Variants in ITGBL1 observed in about 807,000 individuals in gnomAD.
ITGBL1 encodes integrin beta-like protein 1.
A neutral mutation model predicts 68.5 loss-of-function variants in ITGBL1; 51 were observed. The observed-to-expected ratio is 0.74, with a 90% confidence interval of 0.59 to 0.94. The LOEUF (loss-of-function observed/expected upper bound fraction) is 0.94. ITGBL1 is among the 40% of genes least tolerant of loss of function. The probability of loss-of-function intolerance (pLI) is 0.00; values close to 1 mark genes in which losing one functional copy is unlikely to be tolerated. For missense variants in ITGBL1, 649 were observed against 647.4 expected (o/e 1.00, Z -0.03); for synonymous variants, 209 against 227.3 (o/e 0.92, Z 0.72).
intron 2 of ITGBL1, among the ~76,000 whole-genome samples, chr13:101,471,363 A>G (rs1409748398): frequency 6.6e-6 from 1 of 152,158 alleles, no homozygotes; most frequent in African/African-American, 2.4e-5. Flanking sequence ...TGTCACTATG[A>G]TTAAATTATA....
chr13:101,622,675 C>T (rs753594430), intron 7 of ITGBL1, among the ~76,000 whole-genome samples: 3 of 152,122 alleles, frequency 2.0e-5, no homozygotes, highest in Non-Finnish European at 2.9e-5. Context: ...ACTACATGAG[C>T]GCACAGATGG....
intron 8 of ITGBL1, among the ~76,000 whole-genome samples, chr13:101,701,291 T>A (rs924289464): frequency 6.6e-6 from 1 of 152,140 alleles, no homozygotes; most frequent in African/African-American, 2.4e-5. Context: ...TCCCAGCACT[T>A]TGGGAGGCCG....
intron 7 of ITGBL1, among the ~76,000 whole-genome samples, chr13:101,615,952 TC>T (rs2031342090): frequency 6.6e-6 from 1 of 152,130 alleles, no homozygotes; most frequent in Non-Finnish European, 1.5e-5. Flanking sequence ...ATCTTGGACT[TC>T]CCAGACTCCA....
rs553456901 is a variant in ITGBL1, at chr13:101,529,267, G to T, written c.317-38432G>T. On this transcript the variant is annotated intron_variant, in intron 2 of 10. Coordinates refer to ENST00000376180, the MANE Select transcript of ITGBL1 (RefSeq NM_004791.3). Reference sequence around the variant, plus strand: ...AATATGGTTAATAGGCATCTCTAAAGAAAAAAAAAGCAAGGGAAAGAACTG... The same window carrying T: ...AATATGGTTAATAGGCATCTCTAAATAAAAAAAAAGCAAGGGAAAGAACTG... Among the ~76,000 whole-genome samples, 211 of 149,178 alleles carry T rather than the reference G, an allele frequency of 1.4e-3. 2 individuals are homozygous for T. Among genetic ancestry groups the T allele is most frequent in the South Asian group, 8.1e-3 (38 of 4,720 alleles).
At chr13:101,594,488 A>G (rs2050709710) in intron 6 of ITGBL1, among the ~76,000 whole-genome samples, 2 of 152,152 alleles carry the variant, frequency 1.3e-5, no homozygotes, top group South Asian at 4.1e-4. Flanking sequence ...ACTCGAAGAA[A>G]CGTAGGAGAA....
chr13:101,638,001 A>T (rs1256916026), intron 7 of ITGBL1, among the ~76,000 whole-genome samples: 1 of 152,220 alleles, frequency 6.6e-6, no homozygotes, highest in African/African-American at 2.4e-5. Context: ...TATTCCTGTT[A>T]CACTATAAAA....
At chr13:101,597,578 G>C (rs1234296563) in intron 6 of ITGBL1, among the ~76,000 whole-genome samples, 2 of 151,260 alleles carry the variant, frequency 1.3e-5, no homozygotes, top group Admixed American at 6.6e-5. Flanking sequence ...TTGAGACGGA[G>C]TCTCCCTCTG....
At chr13:101,583,194 T>C (rs955328714) in intron 5 of ITGBL1, 22 bp from the exon 6 acceptor site, 6 of 1,610,010 alleles carry the variant, frequency 3.7e-6, no homozygotes, top group Middle Eastern at 1.6e-4. Flanking sequence ...TGGATTCTTA[T>C]AAAATTCTTC....
At chr13:101,575,141 G>T (rs765142995) in intron 3 of ITGBL1, among the ~76,000 whole-genome samples, 9 of 152,014 alleles carry the variant, frequency 5.9e-5, no homozygotes, top group Non-Finnish European at 1.2e-4. Flanking sequence ...TGGTTGGATG[G>T]CTATATGTGG....
intron 2 of ITGBL1, among the ~76,000 whole-genome samples, chr13:101,476,957 A>C (rs960306007): frequency 6.6e-6 from 1 of 152,180 alleles, no homozygotes; most frequent in African/African-American, 2.4e-5. Context: ...GAAAATCAAC[A>C]AAGAAACATC....
chr13:101,543,333 A>T (rs1241974280), intron 2 of ITGBL1, among the ~76,000 whole-genome samples: 1 of 152,146 alleles, frequency 6.6e-6, no homozygotes, highest in Admixed American at 6.5e-5. Flanking sequence ...GTTTGGCTGG[A>T]TATGAAATTC....
intron 2 of ITGBL1, among the ~76,000 whole-genome samples, chr13:101,505,563 A>ATT (rs1350167471): frequency 3.3e-5 from 5 of 152,140 alleles, no homozygotes; most frequent in African/African-American, 9.7e-5. Flanking sequence ...TGGATAAAAC[A>ATT]TTTATTGTCT....
At chr13:101,600,929 G>A (rs1311887567) in intron 7 of ITGBL1, among the ~76,000 whole-genome samples, 2 of 152,144 alleles carry the variant, frequency 1.3e-5, no homozygotes, top group Admixed American at 6.5e-5. Flanking sequence ...CCAGGCTTTG[G>A]TATCAGGATG....
chr13:101,504,476 T>C (rs1183605980), intron 2 of ITGBL1, among the ~76,000 whole-genome samples: 1 of 152,204 alleles, frequency 6.6e-6, no homozygotes, highest in Non-Finnish European at 1.5e-5. Context: ...CATTCACTAA[T>C]AAAGCAAATG....
intron 2 of ITGBL1, among the ~76,000 whole-genome samples, chr13:101,562,353 T>C (rs1362223390): frequency 6.6e-6 from 1 of 152,032 alleles, no homozygotes; most frequent in African/African-American, 2.4e-5. Context: ...TAAAAAATCA[T>C]GTTAAATGTG....
chr13:101,615,328 G>T (rs1010185297), intron 7 of ITGBL1, among the ~76,000 whole-genome samples: 22 of 152,056 alleles, frequency 1.4e-4, no homozygotes, highest in African/African-American at 5.3e-4. Context: ...TCCAAATGAG[G>T]TGACACCCTG....
intron 7 of ITGBL1, among the ~76,000 whole-genome samples, chr13:101,631,428 C>T (rs1282218996): frequency 4.0e-5 from 6 of 150,886 alleles, no homozygotes; most frequent in Admixed American, 4.0e-4. Context: ...AAGTCTATAT[C>T]TCATAGTTCT....
chr13:101,671,576 C>T (rs1396929692), intron 7 of ITGBL1, among the ~76,000 whole-genome samples: 1 of 150,140 alleles, frequency 6.7e-6, no homozygotes, highest in Non-Finnish European at 1.5e-5. Flanking sequence ...GTAGCTGGGA[C>T]TACAGGCGCC....
intron 2 of ITGBL1, among the ~76,000 whole-genome samples, chr13:101,511,740 G>A (rs766261451): frequency 3.3e-5 from 5 of 152,036 alleles, no homozygotes; most frequent in South Asian, 2.1e-4. Context: ...AGTCTACCCC[G>A]TTCAAGTCTC....
Sources: gnomAD v4.1 joint callset for allele counts (sites outside exome capture counted in the v4.1 genomes callset) on GRCh38, gnomAD v4.1.1 for gene constraint, MANE v1.5 for transcripts, NCBI Gene and HGNC (gene_info 2026-07-23, HGNC 2026-07-21) for gene names.